ORC2: variants seen among roughly 807,000 people sequenced by gnomAD.
ORC2 encodes origin recognition complex protein 2 homolog.
Under a neutral mutation model 77.7 loss-of-function variants are expected in ORC2, and 37 were observed. The ratio of observed to expected loss-of-function variants is 0.48; its 90% CI spans 0.37 to 0.63. The LOEUF (loss-of-function observed/expected upper bound fraction) is 0.63. ORC2 is among the 20% of genes least tolerant of loss of function. The pLI is 0.00. For missense variants in ORC2, 557 were observed against 661.9 expected (o/e 0.84, Z 1.74); for synonymous variants, 201 against 229.5 (o/e 0.88, Z 1.12).
At chr2:200,958,737 G>A (rs13385223) in intron 2 of ORC2, among the ~76,000 whole-genome samples, 1,695 of 152,162 alleles carry the variant, frequency 0.011, 40 homozygotes, top group African/African-American at 0.039. Flanking sequence ...CAAATCTTTC[G>A]AACACTTTAC....
At chr2:200,933,481 G>C (rs1002369229) in intron 10 of ORC2, among the ~76,000 whole-genome samples, 1 of 152,270 alleles carries the variant, frequency 6.6e-6, no homozygotes, top group Admixed American at 6.5e-5. Context: ...CTATGACCCT[G>C]ATGATTATCA....
At chr2:200,917,667 T>C (rs2040680231) in intron 15 of ORC2, among the ~76,000 whole-genome samples, 1 of 152,136 alleles carries the variant, frequency 6.6e-6, no homozygotes, top group Non-Finnish European at 1.5e-5. Flanking sequence ...AATCCAAATA[T>C]GGATGGGATT....
intron 5 of ORC2, among the ~76,000 whole-genome samples, chr2:200,945,838 T>C (rs1026051181): frequency 1.2e-4 from 19 of 152,336 alleles, no homozygotes; most frequent in Admixed American, 2.6e-4. Flanking sequence ...ATATCCTGGA[T>C]ATTGCAAAAT....
At chr2:200,933,004 C>CCTAGAGATCTT (rs1476305604) in intron 10 of ORC2, among the ~76,000 whole-genome samples, 1 of 152,160 alleles carries the variant, frequency 6.6e-6, no homozygotes, top group Non-Finnish European at 1.5e-5. Context: ...CTTTCATCCT[C>CCTAGAGATCTT]CTAGAGATCT....
intron 4 of ORC2, among the ~76,000 whole-genome samples, chr2:200,950,036 G>A (rs1427413374): frequency 6.6e-6 from 1 of 152,056 alleles, no homozygotes; most frequent in East Asian, 1.9e-4. Context: ...GCTGTTTTAT[G>A]GTAGAAGCTT....
intron 5 of ORC2, among the ~76,000 whole-genome samples, chr2:200,943,419 A>G (rs1303249409): frequency 1.3e-5 from 2 of 151,926 alleles, no homozygotes; most frequent in African/African-American, 4.8e-5. Flanking sequence ...CTTATAATAG[A>G]GGCCATTTTA....
rs754190171 is a variant in ORC2, at chr2:200,957,573, T to C, written c.95-29A>G. 5.3e-6 allele frequency: 8 copies of C among 1,520,860 alleles called. No individual in the cohort carries two copies. In the Admixed American group the frequency reaches 1.3e-4, roughly 24 times the overall value. 94.2% of individuals were successfully genotyped at this position (1,520,860 alleles called of 1,614,324 possible). A position where few individuals can be genotyped will look rare whatever the true frequency, so the allele number is the denominator to read the frequency against. On this transcript the variant is annotated intron_variant, in intron 3 of 17. Coordinates refer to ENST00000234296, the MANE Select transcript of ORC2 (RefSeq NM_006190.5). Reference sequence around the variant, plus strand: ...TAAGAACATCCAAAGAAATAGAGCATGACAGGTATAAATTCTTTCTAAACA... The same window carrying C: ...TAAGAACATCCAAAGAAATAGAGCACGACAGGTATAAATTCTTTCTAAACA...
At chr2:200,957,795 A>G (rs2041498359) in intron 3 of ORC2, among the ~76,000 whole-genome samples, 1 of 151,884 alleles carries the variant, frequency 6.6e-6, no homozygotes, top group Non-Finnish European at 1.5e-5. Flanking sequence ...TACAATGGGT[A>G]GTTATTAGTG....
At chr2:200,929,864 G>T (rs139983046) in intron 11 of ORC2, among the ~76,000 whole-genome samples, 1 of 152,132 alleles carries the variant, frequency 6.6e-6, no homozygotes, top group East Asian at 1.9e-4. Flanking sequence ...CTAACATTCA[G>T]TCATTCACTC....
chr2:200,913,167 A>C, intron 17 of ORC2, 128 bp downstream of exon 17: 2 of 611,240 alleles, frequency 3.3e-6, no homozygotes, highest in South Asian at 4.1e-5. Flanking sequence ...CACATCCCCT[A>C]AATGAATCTC....
rs768900875 is a variant in ORC2, at chr2:200,921,159, A to AATT, written c.1148-23_1148-21dup. 1.4e-4 allele frequency: 208 copies of AATT among 1,487,914 alleles called. No homozygotes were observed. Among genetic ancestry groups the AATT allele is most frequent in the Non-Finnish European group, 1.8e-4 (194 of 1,088,462 alleles). The allele number at this position is 1,487,914 out of a possible 1,614,324, so 92.2% of individuals were successfully genotyped here. On this transcript the variant is annotated intron_variant, in intron 13 of 17. Coordinates refer to ENST00000234296, the MANE Select transcript of ORC2 (RefSeq NM_006190.5). ...AAGAATCTAAAAAGAAAAGAAATCC[A>AATT]ATTATTATTATTATTATTTTTAGAG...
In ORC2 at chr2:200,911,328, G is replaced by T. The variant is rs1169935215; in HGVS notation, c.1707C>A (p.Phe569Leu). Residue 569 changes from phenylalanine (F) to leucine (L), a missense_variant, in exon 18 of 18, where the codon TTC becomes TTA. Coordinates refer to ENST00000234296, the MANE Select transcript of ORC2 (RefSeq NM_006190.5). ...AAGCCTCCTCTTCTTCCTTTTCCAA[G>T]AAATCAGTCAATGTTCCATTATCAA... ...IPVDNGTLTDFLEKEEEEA is the reference protein window; with the variant it reads ...IPVDNGTLTDLLEKEEEEA The T allele has an allele frequency of 6.2e-7, 1 of 1,608,814 alleles. No individual in the cohort carries two copies. Among genetic ancestry groups the T allele is most frequent in the Non-Finnish European group, 8.5e-7 (1 of 1,175,288 alleles).
chr2:200,939,046 A>G (rs1487100232), intron 7 of ORC2, among the ~76,000 whole-genome samples: 4 of 145,162 alleles, frequency 2.8e-5, no homozygotes, highest in African/African-American at 9.9e-5. Flanking sequence ...CTCAGGGGGA[A>G]AAAAAAAAAA....
At position 200,948,587 on chromosome 2, in the gene ORC2, G is replaced by T. The variant is rs190878084; in HGVS notation, c.328+967C>A. 3.3e-4 allele frequency among the ~76,000 whole-genome samples: 50 copies of T among 152,052 alleles called. No homozygotes were observed. The East Asian group carries it at 8.9e-3, about 27-fold the overall frequency. ...TTTTGTTTGTTTGTTTTTTGAGATG[G>T]AGTCTTGTTCTGTCACCCAGGCTGG... On this transcript the variant is annotated intron_variant, in intron 5 of 17. Transcript: ENST00000234296.
At chr2:200,917,572 T>A (rs1316237808) in intron 15 of ORC2, among the ~76,000 whole-genome samples, 1 of 152,200 alleles carries the variant, frequency 6.6e-6, no homozygotes, top group Non-Finnish European at 1.5e-5. Context: ...GCTGAGTGTA[T>A]ACATGGAGGT....
chr2:200,916,856 C>A (rs915491241), intron 15 of ORC2, among the ~76,000 whole-genome samples: 8 of 151,972 alleles, frequency 5.3e-5, no homozygotes, highest in African/African-American at 1.9e-4. Context: ...GTGCCCGCCA[C>A]CACGCCCGGC....
chr2:200,934,674 C>T (rs2124984567), intron 9 of ORC2, among the ~76,000 whole-genome samples: 1 of 151,512 alleles, frequency 6.6e-6, no homozygotes, highest in East Asian at 1.9e-4. Flanking sequence ...AGCTGAAGTA[C>T]TGTGAAAATG....
rs534744074 is a variant in ORC2, at chr2:200,943,999, C to G, written c.329-1222G>C. Among the ~76,000 whole-genome samples, 17 of 152,076 alleles carry G rather than the reference C, an allele frequency of 1.1e-4. No homozygotes were observed. The South Asian group carries it at 3.3e-3, about 30-fold the overall frequency. The stretch of plus-strand genomic sequence containing the variant: ...CATTTTTGGATTAAAGGCTGATTCA[C>G]AGGATAGGGAAAAAACTTCATATGA... On this transcript the variant is annotated intron_variant, in intron 5 of 17. Coordinates refer to ENST00000234296, the MANE Select transcript of ORC2 (RefSeq NM_006190.5).
Position 200,948,246 on chromosome 2 carries a change from G to A in ORC2, c.328+1308C>T, listed in dbSNP as rs1038495828. ...AAATTTTCTGTAGAGACAGGGTTTC[G>A]CTATGTTGCCCAGGCTGGTACTGAA... On this transcript the variant is annotated intron_variant, in intron 5 of 17. Transcript: ENST00000234296. Among the ~76,000 whole-genome samples the A allele has an allele frequency of 2.6e-5, 4 of 151,928 alleles. No individual in the cohort carries two copies. The East Asian group carries it at 5.8e-4, about 22-fold the overall frequency.
Sources: gnomAD v4.1 joint callset for allele counts (sites outside exome capture counted in the v4.1 genomes callset) on GRCh38, gnomAD v4.1.1 for gene constraint, MANE v1.5 for transcripts, NCBI Gene and HGNC (gene_info 2026-07-23, HGNC 2026-07-21) for gene names.